SLC2A5: variants seen among roughly 807,000 people sequenced by gnomAD.
SLC2A5 encodes the protein solute carrier family 2, facilitated glucose transporter member 5.
A neutral mutation model predicts 50.3 loss-of-function variants in SLC2A5; 56 were observed. The observed-to-expected ratio is 1.11, with a 90% confidence interval of 0.90 to 1.39. The LOEUF is 1.39. Ranked by LOEUF, SLC2A5 falls within the 40% of genes most tolerant of loss-of-function variation. The probability of loss-of-function intolerance (pLI) is 0.00; values close to 1 mark genes in which losing one functional copy is unlikely to be tolerated. For synonymous variants in SLC2A5, 269 were observed against 281.9 expected (o/e 0.95, Z 0.46); for missense variants, 566 against 650.1 (o/e 0.87, Z 1.41).
chr1:9,081,273 A>C (rs370548476), intron 2 of SLC2A5, among the ~76,000 whole-genome samples: 4,099 of 145,426 alleles, frequency 0.028, 314 homozygotes, highest in East Asian at 0.24. Flanking sequence ...AAAAAAAAAA[A>C]AAAAAACCCC....
chr1:9,040,515 A>G lies in SLC2A5; in HGVS notation c.572-326T>C, dbSNP rs913192461. 5 of 286,680 alleles carry G rather than the reference A, an allele frequency of 1.7e-5. No individual in the cohort carries two copies. The highest frequency in any genetic ancestry group is 4.8e-5 in the Admixed American group (1 of 20,696). 17.8% of individuals were successfully genotyped at this position (286,680 alleles called of 1,614,324 possible). A position where few individuals can be genotyped will look rare whatever the true frequency, so the allele number is the denominator to read the frequency against. On this transcript the variant is annotated intron_variant, in intron 5 of 11. Coordinates refer to ENST00000377424, the MANE Select transcript of SLC2A5 (RefSeq NM_003039.3). This position sits in a 1 kb window ranked among gnomAD's most constrained non-coding sequence, Gnocchi z 4.3. ...AGCTGGGCATACCCGGCCTGACCCA[A>G]CTGCCCACTCCCAGCTCTATGCCCA...
chr1:9,065,449 G>A (rs945670328), intron 1 of SLC2A5, among the ~76,000 whole-genome samples: 1 of 152,216 alleles, frequency 6.6e-6, no homozygotes, highest in African/African-American at 2.4e-5. Flanking sequence ...GGAATCTGCA[G>A]TCAGAATGCA....
upstream of SLC2A5, among the ~76,000 whole-genome samples, chr1:9,089,723 C>T (rs1409114410): frequency 6.6e-6 from 1 of 152,218 alleles, no homozygotes; most frequent in African/African-American, 2.4e-5. Flanking sequence ...CAAACTGTGC[C>T]CAACTTGCAG....
upstream of SLC2A5, among the ~76,000 whole-genome samples, chr1:9,092,030 G>A (rs946028777): frequency 6.6e-6 from 1 of 152,074 alleles, no homozygotes; most frequent in African/African-American, 2.4e-5. Context: ...ACGGCTCAGG[G>A]AACCCCTATC....
At chr1:9,051,741 T>TTTTA (rs1176485994) in intron 3 of SLC2A5, among the ~76,000 whole-genome samples, 4 of 152,202 alleles carry the variant, frequency 2.6e-5, no homozygotes, top group Non-Finnish European at 4.4e-5. Flanking sequence ...ATTAAACATA[T>TTTTA]GCTTATCTGT....
intron 1 of SLC2A5, among the ~76,000 whole-genome samples, chr1:9,062,571 C>A (rs1304015691): frequency 1.3e-5 from 2 of 152,090 alleles, no homozygotes; most frequent in Admixed American, 6.6e-5. Context: ...AGGATTTGAA[C>A]TTTAAAAAAA....
At chr1:9,061,014 C>T (rs1418568643) in intron 1 of SLC2A5, among the ~76,000 whole-genome samples, 4 of 151,834 alleles carry the variant, frequency 2.6e-5, no homozygotes, top group Non-Finnish European at 2.9e-5. Flanking sequence ...CTGGGCACGA[C>T]GGCTCATGCC....
At position 9,040,001 on chromosome 1, in the gene SLC2A5, G is replaced by C. The variant is rs1162002030; in HGVS notation, c.698-14C>G. 6.2e-7 allele frequency: 1 copy of C among 1,600,094 alleles called. No individual in the cohort carries two copies. Among genetic ancestry groups the C allele is most frequent in the Non-Finnish European group, 8.5e-7 (1 of 1,170,812 alleles). On this transcript the variant is annotated splice_polypyrimidine_tract_variant and intron_variant, in intron 6 of 11. Transcript: ENST00000377424. The surrounding 1 kb of genome is among the most constrained non-coding windows in gnomAD (Gnocchi z 4.3). ...GCGTCTGTAGGGCTGGGGAGAAGCG[G>C]CACCGTCGGACCAGGGCTGGGGAGC...
At chr1:9,081,261 GAA>G (rs869191087) in intron 2 of SLC2A5, among the ~76,000 whole-genome samples, 152 of 25,554 alleles carry the variant, frequency 5.9e-3, no homozygotes, top group African/African-American at 6.8e-3. Context: ...CCTTGTTTCA[GAA>G]AAAAAAAAAA....
chr1:9,090,144 A>G (rs1474603436), upstream of SLC2A5, among the ~76,000 whole-genome samples: 1 of 152,150 alleles, frequency 6.6e-6, no homozygotes, highest in Non-Finnish European at 1.5e-5. Flanking sequence ...AAGAAGGGAC[A>G]TTCTACACAA....
chr1:9,067,740 G>C (rs1295489986), intron 1 of SLC2A5, among the ~76,000 whole-genome samples: 2 of 152,152 alleles, frequency 1.3e-5, no homozygotes, highest in Non-Finnish European at 1.5e-5. Context: ...TGTCACTCCT[G>C]GGGGAGGGAG....
chr1:9,042,609 GTGTA>G (rs1641333168), intron 4 of SLC2A5, among the ~76,000 whole-genome samples: 1 of 148,572 alleles, frequency 6.7e-6, no homozygotes, highest in African/African-American at 2.5e-5. Flanking sequence ...GTGTGTGTGT[GTGTA>G]TGTGTATATA....
upstream of SLC2A5, among the ~76,000 whole-genome samples, chr1:9,093,176 T>C (rs1028720136): frequency 2.6e-5 from 4 of 152,012 alleles, no homozygotes; most frequent in Non-Finnish European, 5.9e-5. Flanking sequence ...GGAGACTGGG[T>C]TCTAGTAAAA....
intron 3 of SLC2A5, among the ~76,000 whole-genome samples, chr1:9,050,660 C>T (rs1557668479): frequency 2.0e-5 from 3 of 151,750 alleles, no homozygotes; most frequent in South Asian, 2.1e-4. Context: ...TTGGGTTTGG[C>T]GATGACTTTT....
At chr1:9,066,596 AT>A (rs916737164) in intron 1 of SLC2A5, among the ~76,000 whole-genome samples, 9 of 151,054 alleles carry the variant, frequency 6.0e-5, no homozygotes, top group African/African-American at 1.2e-4. Context: ...AATCCATTTT[AT>A]TTTTTTTTCT....
chr1:9,060,063 ATACACACAC>A, intron 1 of SLC2A5, among the ~76,000 whole-genome samples: 1 of 129,612 alleles, frequency 7.7e-6, no homozygotes, highest in East Asian at 3.1e-4. Context: ...CACACACACA[ATACACACAC>A]TACACACACA....
Position 9,060,653 on chromosome 1 carries a change from C to T in SLC2A5, c.34-2403G>A, listed in dbSNP as rs1185304241. Among the ~76,000 whole-genome samples the T allele has an allele frequency of 3.7e-4, 49 of 131,486 alleles. 1 individual carries two copies. Among genetic ancestry groups the T allele is most frequent in the Non-Finnish European group, 3.4e-5 (2 of 59,068 alleles). 86.3% of individuals were successfully genotyped at this position (131,486 alleles called of 152,430 possible). A position where few individuals can be genotyped will look rare whatever the true frequency, so the allele number is the denominator to read the frequency against. Reference sequence around the variant, plus strand: ...TACACACATACAGCCCACACACCCCCCACACACACACACCCCACACACACA... The same window carrying T: ...TACACACATACAGCCCACACACCCCTCACACACACACACCCCACACACACA... On this transcript the variant is annotated intron_variant, in intron 1 of 11. Transcript: ENST00000377424.
At chr1:9,047,164 C>T (rs1641455799) in intron 4 of SLC2A5, among the ~76,000 whole-genome samples, 1 of 152,120 alleles carries the variant, frequency 6.6e-6, no homozygotes, top group Non-Finnish European at 1.5e-5. Context: ...GACTAATACA[C>T]AGGGTTTCAC....
rs1641181336 is a variant in SLC2A5, at chr1:9,038,022, G to A, written c.1177C>T (p.Pro393Ser). 1.2e-6 allele frequency: 2 copies of A among 1,613,580 alleles called. No individual in the cohort carries two copies. The highest frequency in any genetic ancestry group is 1.7e-6 in the Non-Finnish European group (2 of 1,179,976). The change falls in exon 11 of 12, where the codon CCC becomes TCC. Residue 393 changes from proline to serine, a missense_variant and splice_region_variant. Transcript: ENST00000377424. ...TCAGTGATGAGCAGCGCGGGTATGG[G>A]ACCTGTAGGGGGAGGAGAGCAGCCT... ...YVIGHALGPS[P>S]IPALLITEIF...
Sources: allele counts gnomAD v4.1 joint callset (sites outside exome capture counted in the v4.1 genomes callset), GRCh38; gene constraint gnomAD v4.1.1; non-coding constraint Gnocchi (gnomAD v3.1); transcripts MANE v1.5; gene names NCBI Gene and HGNC (gene_info 2026-07-23, HGNC 2026-07-21).